Variants in ACOXL observed in about 807,000 individuals in gnomAD.
ACOXL encodes the protein acyl-CoA oxidase like.
Under a neutral mutation model 71.9 loss-of-function variants are expected in ACOXL, and 70 were observed. That is an observed-to-expected ratio of 0.97 (90% CI 0.80 to 1.19). ACOXL has a LOEUF of 1.19. ACOXL is among the 50% of genes most tolerant of loss of function. The pLI, the probability that ACOXL is intolerant of heterozygous loss-of-function variation, is 0.00. For missense variants in ACOXL, 703 were observed against 736.3 expected, an observed-to-expected ratio of 0.95 and a Z score of 0.52; for synonymous variants, 253 against 281.6, an observed-to-expected ratio of 0.90 and a Z score of 1.02.
intron 10 of ACOXL, among the ~76,000 whole-genome samples, chr2:110,862,303 A>G (rs1178340341): frequency 2.0e-5 from 3 of 152,152 alleles, no homozygotes; most frequent in Admixed American, 1.3e-4. Flanking sequence ...TGGAGATTAC[A>G]GGGCCAGAGT....
At chr2:111,074,357 T>C (rs2067493580) in intron 16 of ACOXL, among the ~76,000 whole-genome samples, 1 of 152,130 alleles carries the variant, frequency 6.6e-6, no homozygotes, top group Non-Finnish European at 1.5e-5. Context: ...GCAGAAAGTG[T>C]TCAGCCTTTT....
At chr2:110,952,415 A>T (rs976356110) in intron 12 of ACOXL, among the ~76,000 whole-genome samples, 1 of 151,932 alleles carries the variant, frequency 6.6e-6, no homozygotes, top group African/African-American at 2.4e-5. Context: ...GGCTTTGTTG[A>T]TCCTCTCCAC....
In ACOXL at chr2:111,041,599, C is replaced by T. The variant is rs189288990; in HGVS notation, c.1370-7619C>T. On this transcript the variant is annotated intron_variant, in intron 15 of 17. Transcript: ENST00000439055. ...TGACAGTGGCTGCCGCCTCTGGCTG[C>T]CCCCGGCTCTACACCTTGCTCTTGG... Among the ~76,000 whole-genome samples the T allele has an allele frequency of 2.5e-3, 386 of 152,024 alleles. 1 individual carries two copies. Among genetic ancestry groups the T allele is most frequent in the Middle Eastern group, 0.024 (7 of 294 alleles).
chr2:110,812,815 C>T (rs1436226364), intron 9 of ACOXL, among the ~76,000 whole-genome samples: 5 of 152,214 alleles, frequency 3.3e-5, no homozygotes, highest in Admixed American at 2.6e-4. Context: ...CACTGTGAAT[C>T]GTGCTAGGAG....
chr2:110,793,865 T>C (rs1031979176), intron 4 of ACOXL, 129 bp downstream of exon 4: 1 of 949,384 alleles, frequency 1.1e-6, no homozygotes, highest in African/African-American at 1.7e-5. Context: ...AAAAATCTTG[T>C]TGAAAATGAG....
intron 2 of ACOXL, among the ~76,000 whole-genome samples, chr2:110,779,208 T>C (rs1460928636): frequency 6.6e-6 from 1 of 152,196 alleles, no homozygotes; most frequent in Non-Finnish European, 1.5e-5. Context: ...CAAAGGCCCT[T>C]GGAGAGAACA....
chr2:110,820,899 G>A (rs754707713), intron 9 of ACOXL, among the ~76,000 whole-genome samples: 1 of 152,184 alleles, frequency 6.6e-6, no homozygotes, highest in Non-Finnish European at 1.5e-5. Context: ...GGGAGAAGGT[G>A]TAGGGAGGGA....
chr2:110,782,116 A>G (rs544258156), intron 2 of ACOXL, among the ~76,000 whole-genome samples: 1 of 152,384 alleles, frequency 6.6e-6, no homozygotes, highest in East Asian at 1.9e-4. Flanking sequence ...AATCACTACA[A>G]ACTTACATGC....
chr2:110,987,063 T>C, intron 12 of ACOXL, 45 bp from the exon 13 acceptor site: 2 of 1,505,578 alleles, frequency 1.3e-6, no homozygotes, highest in Non-Finnish European at 1.8e-6. Flanking sequence ...GATACTGTCA[T>C]TTTTTACACT....
Position 110,953,331 on chromosome 2 carries a change from C to CAT in ACOXL, c.1059+19704_1059+19705dup, listed in dbSNP as rs34907551. On this transcript the variant is annotated intron_variant, in intron 12 of 17. Coordinates refer to ENST00000439055, the MANE Select transcript of ACOXL (RefSeq NM_001142807.4). The stretch of plus-strand genomic sequence containing the variant: ...TATTATCATTATAATTACTTTTATA[C>CAT]ATATATATATATATATTTCAATTAA... Among the ~76,000 whole-genome samples, 394 of 149,014 alleles carry CAT rather than the reference C, an allele frequency of 2.6e-3. 1 individual carries two copies. Among genetic ancestry groups the CAT allele is most frequent in the South Asian group, 4.5e-3 (21 of 4,710 alleles).
In ACOXL at chr2:111,118,455, A is replaced by C. The variant is rs1329874900; in HGVS notation, c.*639A>C. ...CCGGCGGTTTCCGTACGGCAAGACAAGGCGCGGAAAACATTTTTACCATCT... is the reference window on the plus strand; with the variant it reads ...CCGGCGGTTTCCGTACGGCAAGACACGGCGCGGAAAACATTTTTACCATCT... On this transcript the variant is annotated 3_prime_UTR_variant, in exon 18 of 18. Transcript: ENST00000439055. Among the ~76,000 whole-genome samples, 1 of 152,208 alleles carries C rather than the reference A, an allele frequency of 6.6e-6. No individual in the cohort carries two copies. The highest frequency in any genetic ancestry group is 1.5e-5 in the Non-Finnish European group (1 of 68,030).
intron 10 of ACOXL, among the ~76,000 whole-genome samples, chr2:110,900,407 C>A (rs187572756): frequency 2.0e-4 from 30 of 152,280 alleles, no homozygotes; most frequent in African/African-American, 7.0e-4. Flanking sequence ...AATGATGAAG[C>A]CTTCTATGCC....
At chr2:111,071,436 A>G (rs1574669147) in intron 16 of ACOXL, among the ~76,000 whole-genome samples, 1 of 152,216 alleles carries the variant, frequency 6.6e-6, no homozygotes, top group Non-Finnish European at 1.5e-5. Context: ...TATTGCAAGG[A>G]ATGCCCTTAG....
At chr2:110,816,944 G>A (rs1407795043) in intron 9 of ACOXL, among the ~76,000 whole-genome samples, 4 of 152,212 alleles carry the variant, frequency 2.6e-5, no homozygotes, top group Non-Finnish European at 2.9e-5. Context: ...GCATGGATGT[G>A]GCTTCCCTGG....
chr2:111,070,731 A>G (rs2067302314), intron 16 of ACOXL, among the ~76,000 whole-genome samples: 1 of 151,778 alleles, frequency 6.6e-6, no homozygotes, highest in Non-Finnish European at 1.5e-5. Context: ...CTTCTTGTAG[A>G]TGGGTTTTCT....
At chr2:110,963,977 T>C (rs972200707) in intron 12 of ACOXL, among the ~76,000 whole-genome samples, 1 of 152,150 alleles carries the variant, frequency 6.6e-6, no homozygotes, top group East Asian at 1.9e-4. Context: ...TGAAAGAGTA[T>C]GTAAGGCCCC....
At chr2:111,002,724 A>G (rs1351492802) in intron 14 of ACOXL, among the ~76,000 whole-genome samples, 1 of 151,936 alleles carries the variant, frequency 6.6e-6, no homozygotes, top group East Asian at 1.9e-4. Flanking sequence ...TCATATTTTC[A>G]TTTTATTTTT....
chr2:110,738,376 C>G (rs1259834725), intron 1 of ACOXL, among the ~76,000 whole-genome samples: 1 of 152,178 alleles, frequency 6.6e-6, no homozygotes, highest in Non-Finnish European at 1.5e-5. Context: ...TATCTAATAG[C>G]TTCCTAAGAG....
In ACOXL at chr2:110,919,394, C is replaced by T. The variant is rs557554094; in HGVS notation, c.905+10489C>T. Reference sequence around the variant, plus strand: ...ACACAGGGAGGGGAACATCACACACCGGGGCCTGTTAGGGGGTGGGGGGGC... The same window carrying T: ...ACACAGGGAGGGGAACATCACACACTGGGGCCTGTTAGGGGGTGGGGGGGC... On this transcript the variant is annotated intron_variant, in intron 11 of 17. Transcript: ENST00000439055. Among the ~76,000 whole-genome samples, 18 of 71,400 alleles carry T rather than the reference C, an allele frequency of 2.5e-4. No individual in the cohort carries two copies. In the East Asian group the frequency reaches 3.4e-3, roughly 13 times the overall value. 46.8% of individuals were successfully genotyped at this position (71,400 alleles called of 152,430 possible). A position where few individuals can be genotyped will look rare whatever the true frequency, so the allele number is the denominator to read the frequency against.
Sources: allele counts gnomAD v4.1 joint callset (sites outside exome capture counted in the v4.1 genomes callset), GRCh38; gene constraint gnomAD v4.1.1; transcripts MANE v1.5; gene names NCBI Gene and HGNC (gene_info 2026-07-23, HGNC 2026-07-21).